Variants in GUK1 observed in about 807,000 individuals in gnomAD.
GUK1 encodes the protein guanylate kinase 1.
A neutral mutation model predicts 25.2 loss-of-function variants in GUK1; 18 were observed. The ratio of observed to expected loss-of-function variants is 0.71; its 90% CI spans 0.49 to 1.06. The LOEUF (loss-of-function observed/expected upper bound fraction) is 1.06, where lower values mean the gene tolerates loss of function less well. Ranked by LOEUF, GUK1 falls within the 50% of genes least tolerant of loss-of-function variation. GUK1 has a pLI of 0.00. For synonymous variants in GUK1, 105 were observed against 117.6 expected (o/e 0.89, Z 0.69); for missense variants, 261 against 276.7 (o/e 0.94, Z 0.40).
intron 3 of GUK1, 83 bp downstream of exon 2, chr1:228,145,707 A>C (rs2034329611): frequency 1.3e-6 from 2 of 1,504,374 alleles, no homozygotes; most frequent in Admixed American, 4.1e-5. Context: ...CCAGGAGCCC[A>C]AACCCAACAG....
chr1:228,147,809 CT>C, intron 7 of GUK1, 110 bp downstream of exon 6: 1 of 880,140 alleles, frequency 1.1e-6, no homozygotes, highest in Non-Finnish European at 1.7e-6. Flanking sequence ...CCTGGAGTCC[CT>C]GTGAGGGTCC....
chr1:228,140,249 T>A, upstream of GUK1: 1 of 1,444,342 alleles, frequency 6.9e-7, no homozygotes. Context: ...CGGGCGGAGG[T>A]GGGCCGGTGC....
chr1:228,146,082 G>A lies in GUK1; in HGVS notation c.154+15G>A. On this transcript the variant is annotated intron_variant, in intron 4 of 8. Coordinates refer to ENST00000312726, the MANE Select transcript of GUK1 (RefSeq NM_000858.7). Reference sequence around the variant, plus strand: ...GAACGGCAAAGGTGAGTGGGGTGGGGCCCTATGGCTGGAGCACCCCCAGTG... The same window carrying A: ...GAACGGCAAAGGTGAGTGGGGTGGGACCCTATGGCTGGAGCACCCCCAGTG... The A allele has an allele frequency of 6.3e-7, 1 of 1,591,244 alleles. No homozygotes were observed. The highest frequency in any genetic ancestry group is 1.3e-5 in the African/African-American group (1 of 74,610).
chr1:228,147,050 T>C lies in GUK1; in HGVS notation c.251+112T>C. The C allele has an allele frequency of 3.8e-6, 3 of 789,004 alleles. No homozygotes were observed. In the South Asian group the frequency reaches 4.3e-5, roughly 11 times the overall value. The allele number at this position is 789,004 out of a possible 1,614,324, so 48.9% of individuals were successfully genotyped here. A position where few individuals can be genotyped will look rare whatever the true frequency, so the allele number is the denominator to read the frequency against. ...ACACCACCCACCCCATGGTTATGAA[T>C]GTGGCCAGGTTGTGGCCCAGGGCCA... On this transcript the variant is annotated intron_variant, in intron 5 of 8. Transcript: ENST00000312726.
chr1:228,146,736 T>G, intron 4 of GUK1, 106 bp from the exon 4 acceptor site: 1 of 772,262 alleles, frequency 1.3e-6, no homozygotes, highest in Non-Finnish European at 2.4e-6. Context: ...AAAGCAGTCG[T>G]GGGTGTGGGA....
chr1:228,144,610 G>A (rs2034265425), intron 2 of GUK1: 1 of 483,436 alleles, frequency 2.1e-6, no homozygotes, highest in Non-Finnish European at 2.7e-6. Context: ...CCAGGGCCAG[G>A]CCCCCTGGGG....
rs779043812 is a variant in GUK1, at chr1:228,148,748, A to G, written c.*51A>G. ...CGGGCCCATACAGGACCAGGGCAGC[A>G]GCATTGAGCCACCCCCTTGGCAGGC... On this transcript the variant is annotated 3_prime_UTR_variant, in exon 9 of 9. Transcript: ENST00000312726. 4 of 1,611,562 alleles carry G rather than the reference A, an allele frequency of 2.5e-6. No homozygotes were observed. The highest frequency in any genetic ancestry group is 2.5e-6 in the Non-Finnish European group (3 of 1,179,712).
chr1:228,146,873 G>GCGTGACATAGCAGCC lies in GUK1; in HGVS notation c.187_201dup (p.Arg63_Ala67dup), dbSNP rs766114392. On this transcript the variant is annotated inframe_insertion, in exon 5 of 9. Transcript: ENST00000312726. ...ACTTTGTAACCAGGGAGGTGATGCA[G>GCGTGACATAGCAGCC]CGTGACATAGCAGCCGGCGACTTCA... The GCGTGACATAGCAGCC allele has an allele frequency of 1.2e-6, 2 of 1,613,760 alleles. No homozygotes were observed. Among genetic ancestry groups the GCGTGACATAGCAGCC allele is most frequent in the Non-Finnish European group, 1.7e-6 (2 of 1,179,670 alleles).
chr1:228,146,208 C>G (rs558640231), intron 4 of GUK1, 141 bp downstream of exon 3: 1 of 632,484 alleles, frequency 1.6e-6, no homozygotes, highest in Non-Finnish European at 2.9e-6. Context: ...CTCCAAGGGC[C>G]GGTGAACTCA....
rs1216105799 is a variant in GUK1, at chr1:228,141,597, G to GC, written c.-3+311dup. 4 of 1,073,094 alleles carry GC rather than the reference G, an allele frequency of 3.7e-6. No homozygotes were observed. The South Asian group carries it at 8.4e-5, about 23-fold the overall frequency. 66.5% of individuals were successfully genotyped at this position (1,073,094 alleles called of 1,614,324 possible). On this transcript the variant is annotated intron_variant, in intron 2 of 8. Coordinates refer to ENST00000312726, the MANE Select transcript of GUK1 (RefSeq NM_000858.7). The stretch of plus-strand genomic sequence containing the variant: ...CTGTTAGCATCTCCTCGAACAGTGG[G>GC]CCGGGGGCAAGGTGGTGACTCTGTT...
Position 228,146,823 on chromosome 1 carries a change from G to A in GUK1, c.155-19G>A, listed in dbSNP as rs1252890017. On this transcript the variant is annotated intron_variant, in intron 4 of 8. Transcript: ENST00000312726. Reference sequence around the variant, plus strand: ...TGCAGGTCCAGTCTGCCCTCTGGATGGCCCCTCCTCTTCCCCAGATTACTA... The same window carrying A: ...TGCAGGTCCAGTCTGCCCTCTGGATAGCCCCTCCTCTTCCCCAGATTACTA... The A allele has an allele frequency of 1.3e-6, 2 of 1,551,622 alleles. No individual in the cohort carries two copies. Among genetic ancestry groups the A allele is most frequent in the Non-Finnish European group, 1.8e-6 (2 of 1,123,144 alleles).
intron 7 of GUK1, chr1:228,148,004 G>A (rs1380221708): frequency 1.7e-5 from 10 of 581,808 alleles, no homozygotes; most frequent in East Asian, 8.5e-5. Context: ...TTCTAGCCCC[G>A]GGGGTGTCAT....
In GUK1 at chr1:228,147,512, ATC is replaced by A; in HGVS notation, c.362_363del (p.Ser121CysfsTer19). ...GGCCACCGATCTGCGGCCCATCTAC[ATC>A]TCTGTGCAGCCGCCTTCACTGCACG... is the stretch of plus-strand genomic sequence containing the variant. On this transcript the variant is annotated frameshift_variant, in exon 6 of 9. Coordinates refer to ENST00000312726, the MANE Select transcript of GUK1 (RefSeq NM_000858.7). LOFTEE classifies it high-confidence loss of function. 1 of 1,613,198 alleles carries A rather than the reference ATC, an allele frequency of 6.2e-7. No individual in the cohort carries two copies. The highest frequency in any genetic ancestry group is 8.5e-7 in the Non-Finnish European group (1 of 1,179,934).
At chr1:228,148,558 A>G (rs2034533359) in intron 8 of GUK1, 102 bp downstream of exon 7, 2 of 1,366,650 alleles carry the variant, frequency 1.5e-6, no homozygotes, top group Non-Finnish European at 2.1e-6. Flanking sequence ...GGACAGTCCT[A>G]CCCAAGCACT....
intron 2 of GUK1, chr1:228,141,929 A>C (rs2034080121): frequency 2.5e-6 from 1 of 400,516 alleles, no homozygotes; most frequent in Middle Eastern, 4.8e-4. Context: ...GTTTGCTGGA[A>C]TGCTTCCCTC....
chr1:228,145,220 G>T (rs1205134112), intron 2 of GUK1: 1 of 238,294 alleles, frequency 4.2e-6, no homozygotes, highest in Non-Finnish European at 8.2e-6. Context: ...GGCTGACAGG[G>T]TCAGTGGGTT....
chr1:228,148,688 C>T lies in GUK1; in HGVS notation c.585C>T (p.Thr195=), dbSNP rs141079670. Residue 195 remains threonine, a synonymous_variant, in exon 9 of 9, where the codon ACC becomes ACT. Coordinates refer to ENST00000312726, the MANE Select transcript of GUK1 (RefSeq NM_000858.7). ...AGGAAATCAAGAAAGCTCAAAGGACCGGCGCCTGAGGCTTGCTGTCTGTTC... is the reference window on the plus strand; with the variant it reads ...AGGAAATCAAGAAAGCTCAAAGGACTGGCGCCTGAGGCTTGCTGTCTGTTC... 9.4e-6 allele frequency: 15 copies of T among 1,599,892 alleles called. No individual in the cohort carries two copies. Among genetic ancestry groups the T allele is most frequent in the South Asian group, 6.6e-5 (6 of 90,960 alleles).
intron 5 of GUK1, 138 bp from the exon 5 acceptor site, chr1:228,147,268 T>C: frequency 1.3e-6 from 1 of 792,096 alleles, no homozygotes; most frequent in South Asian, 1.8e-5. Flanking sequence ...TGAGATGCTG[T>C]CGGGTGCTGG....
At chr1:228,146,664 C>T in intron 4 of GUK1, 178 bp from the exon 4 acceptor site, 1 of 616,250 alleles carries the variant, frequency 1.6e-6, no homozygotes, top group South Asian at 1.8e-5. Context: ...TGGTGTCTGG[C>T]TCAGGCACTT....
Sources: gnomAD v4.1 joint callset for allele counts on GRCh38, gnomAD v4.1.1 for gene constraint, MANE v1.5 for transcripts, NCBI Gene and HGNC (gene_info 2026-07-23, HGNC 2026-07-21) for gene names.